COBL: variants seen among roughly 807,000 people sequenced by gnomAD.
The protein encoded by COBL is cordon-bleu WH2 repeat protein.
COBL carries 51 observed loss-of-function variants against 98.8 expected under a neutral mutation model. The observed-to-expected ratio is 0.52, with a 90% confidence interval of 0.41 to 0.65. COBL has a LOEUF of 0.65. Ranked by LOEUF, COBL falls within the 30% of genes least tolerant of loss-of-function variation. The probability of loss-of-function intolerance (pLI) is 0.00; values close to 1 mark genes in which losing one functional copy is unlikely to be tolerated. For synonymous variants in COBL, 634 were observed against 651.7 expected (o/e 0.97, Z 0.41); for missense variants, 1,617 against 1,617.5 (o/e 1.00, Z 0.01).
At position 51,028,254 on chromosome 7, in the gene COBL, C is replaced by G; in HGVS notation, c.2842G>C (p.Ala948Pro). ...NNHGEDLAVG[A>P]PPRGEVIGPH... ...CCAATGACCTCCCCCCTAGGAGGGG[C>G]TCCCACTGCCAAATCTTCCCCGTGG... is the stretch of plus-strand genomic sequence containing the variant. Residue 948 changes from alanine to proline, a missense_variant, in exon 10 of 13, where the codon GCC becomes CCC. Ala to Pro is a conservative substitution (Grantham distance 27, BLOSUM62 -1). Coordinates refer to ENST00000265136, the MANE Select transcript of COBL (RefSeq NM_015198.5). 1 of 1,614,154 alleles carries G rather than the reference C, an allele frequency of 6.2e-7. No homozygotes were observed. The highest frequency in any genetic ancestry group is 8.5e-7 in the Non-Finnish European group (1 of 1,179,984).
At chr7:51,180,835 G>T (rs1033192840) in intron 5 of COBL, among the ~76,000 whole-genome samples, 12 of 152,106 alleles carry the variant, frequency 7.9e-5, no homozygotes, top group Admixed American at 3.9e-4. Flanking sequence ...TGGAATTCAG[G>T]TTTGTTTGAT....
chr7:51,240,444 C>T (rs1028920135), intron 1 of COBL, among the ~76,000 whole-genome samples: 11 of 152,246 alleles, frequency 7.2e-5, no homozygotes, highest in Admixed American at 2.0e-4. Flanking sequence ...AGAGCAGCCA[C>T]AGCGTGGCCA....
chr7:51,285,826 A>C (rs1215582782), intron 1 of COBL, among the ~76,000 whole-genome samples: 3 of 152,258 alleles, frequency 2.0e-5, no homozygotes, highest in Non-Finnish European at 1.5e-5. Flanking sequence ...ATCACATTAC[A>C]TAGCCTTAAG....
rs9768507 is a variant in COBL, at chr7:51,284,013, C to T, written c.41+32580G>A. On this transcript the variant is annotated intron_variant, in intron 1 of 12. Coordinates refer to ENST00000265136, the MANE Select transcript of COBL (RefSeq NM_015198.5). ...ATATATAAAAAGAATAGGCTGGGCACGGTGGCTCATGCCTGTAATCCCAGC... is the reference window on the plus strand; with the variant it reads ...ATATATAAAAAGAATAGGCTGGGCATGGTGGCTCATGCCTGTAATCCCAGC... 3.3e-5 allele frequency among the ~76,000 whole-genome samples: 5 copies of T among 150,626 alleles called. No homozygotes were observed. In the East Asian group the frequency reaches 5.9e-4, roughly 18 times the overall value.
At chr7:51,280,266 T>C (rs1799699537) in intron 1 of COBL, among the ~76,000 whole-genome samples, 1 of 152,040 alleles carries the variant, frequency 6.6e-6, no homozygotes. Context: ...AACCTTCTAG[T>C]GCTGGGCTAA....
intron 12 of COBL, among the ~76,000 whole-genome samples, chr7:51,023,185 A>G (rs971494001): frequency 2.0e-5 from 3 of 152,140 alleles, no homozygotes; most frequent in East Asian, 1.9e-4. Flanking sequence ...TATGACCCCT[A>G]TTTAGCCATT....
intron 5 of COBL, among the ~76,000 whole-genome samples, chr7:51,149,095 C>T (rs1785313961): frequency 6.6e-6 from 1 of 152,162 alleles, no homozygotes; most frequent in African/African-American, 2.4e-5. Context: ...TTTATCTTCC[C>T]CATATGGCCC....
At chr7:51,251,862 A>C (rs956537674) in intron 1 of COBL, among the ~76,000 whole-genome samples, 1 of 145,852 alleles carries the variant, frequency 6.9e-6, no homozygotes, top group African/African-American at 2.7e-5. Flanking sequence ...GCATGTGTAT[A>C]CACACACACA....
At chr7:51,036,336 C>CAAAAAAA (rs59610375) in intron 8 of COBL, among the ~76,000 whole-genome samples, 1 of 94,206 alleles carries the variant, frequency 1.1e-5, no homozygotes, top group African/African-American at 4.4e-5. Flanking sequence ...GACTCCGTCT[C>CAAAAAAA]AAAAAAAAAA....
intron 5 of COBL, among the ~76,000 whole-genome samples, chr7:51,154,843 T>C (rs1028907141): frequency 1.3e-5 from 2 of 152,252 alleles, no homozygotes; most frequent in Admixed American, 6.5e-5. Flanking sequence ...GTGTAACTTT[T>C]GCTTACACTA....
At position 51,017,217 on chromosome 7, in the gene COBL, CT is replaced by C. The variant is rs1786358981; in HGVS notation, c.*333del. 3.8e-6 allele frequency: 2 copies of C among 528,394 alleles called. No individual in the cohort carries two copies. The highest frequency in any genetic ancestry group is 3.5e-5 in the Admixed American group (1 of 28,642). 32.7% of individuals were successfully genotyped at this position (528,394 alleles called of 1,614,324 possible). On this transcript the variant is annotated 3_prime_UTR_variant, in exon 13 of 13. Coordinates refer to ENST00000265136, the MANE Select transcript of COBL (RefSeq NM_015198.5). ...TCCAAAATCAGTCTAAGGCATGATT[CT>C]TTTTACTTTGCCCATAAATATAATT...
intron 1 of COBL, among the ~76,000 whole-genome samples, chr7:51,224,631 G>A (rs1183951119): frequency 6.6e-6 from 1 of 151,892 alleles, no homozygotes; most frequent in African/African-American, 2.4e-5. Context: ...GCCCGGGCTA[G>A]GGACAACTGA....
At chr7:51,065,191 CAAGATGG>C (rs1791782221) in intron 7 of COBL, 1 of 703,082 alleles carries the variant, frequency 1.4e-6, no homozygotes, top group African/African-American at 1.7e-5. Context: ...AGGTAAGACA[CAAGATGG>C]GTTGTGTGTG....
At chr7:51,221,755 G>C (rs1793658340) in intron 1 of COBL, among the ~76,000 whole-genome samples, 1 of 152,162 alleles carries the variant, frequency 6.6e-6, no homozygotes, top group African/African-American at 2.4e-5. Flanking sequence ...TTGTTCCATA[G>C]TTATCACTTG....
At chr7:51,136,996 T>G (rs943846327) in intron 5 of COBL, among the ~76,000 whole-genome samples, 2 of 152,152 alleles carry the variant, frequency 1.3e-5, no homozygotes, top group African/African-American at 4.8e-5. Context: ...ACACACAAAC[T>G]TTTTGAATCT....
chr7:51,093,253 G>T (rs765511598), intron 6 of COBL, among the ~76,000 whole-genome samples: 12 of 152,140 alleles, frequency 7.9e-5, no homozygotes, highest in Admixed American at 3.3e-4. Context: ...AGAGAGATAC[G>T]AATGACCAAC....
chr7:51,148,836 C>A (rs765187261), intron 5 of COBL, among the ~76,000 whole-genome samples: 1 of 150,644 alleles, frequency 6.6e-6, no homozygotes, highest in Admixed American at 6.6e-5. Context: ...TCAGACACCC[C>A]CCGGAGGACC....
intron 8 of COBL, among the ~76,000 whole-genome samples, chr7:51,036,336 C>CAAA (rs59610375): frequency 9.6e-5 from 9 of 94,208 alleles, no homozygotes; most frequent in African/African-American, 1.7e-4. Context: ...GACTCCGTCT[C>CAAA]AAAAAAAAAA....
At chr7:51,189,993 T>C (rs576316355) in intron 4 of COBL, among the ~76,000 whole-genome samples, 1 of 152,278 alleles carries the variant, frequency 6.6e-6, no homozygotes, top group Admixed American at 6.5e-5. Flanking sequence ...GGCCTCATAC[T>C]AAAAGCCAGT....
Sources: gnomAD v4.1 joint callset for allele counts (sites outside exome capture counted in the v4.1 genomes callset) on GRCh38, gnomAD v4.1.1 for gene constraint, MANE v1.5 for transcripts, NCBI Gene and HGNC (gene_info 2026-07-23, HGNC 2026-07-21) for gene names.